Variants in SMIM17 observed in about 807,000 individuals in gnomAD.
SMIM17 encodes the protein small integral membrane protein 17.
SMIM17 carries 10 observed loss-of-function variants against 12.2 expected under a neutral mutation model. That is an observed-to-expected ratio of 0.82 (90% CI 0.50 to 1.39). The LOEUF is 1.39. Ranked by LOEUF, SMIM17 falls within the 40% of genes most tolerant of loss-of-function variation. SMIM17 has a pLI of 0.00. For missense variants in SMIM17, 136 were observed against 118.2 expected (o/e 1.15, Z -0.70); for synonymous variants, 50 against 44.1 (o/e 1.13, Z -0.53).
chr19:56,654,191 C>A (rs1291125009), intron 3 of SMIM17, among the ~76,000 whole-genome samples: 1 of 152,096 alleles, frequency 6.6e-6, no homozygotes, highest in Non-Finnish European at 1.5e-5. Context: ...GAGGAAGAGA[C>A]AATAAACATA....
At position 56,656,997 on chromosome 19, in the gene SMIM17, A is replaced by G. The variant is rs1416350884; in HGVS notation, c.*1784A>G. 6.6e-6 allele frequency among the ~76,000 whole-genome samples: 1 copy of G among 152,170 alleles called. No individual in the cohort carries two copies. The highest frequency in any genetic ancestry group is 6.6e-5 in the Admixed American group (1 of 15,264). On this transcript the variant is annotated 3_prime_UTR_variant, in exon 4 of 4. Transcript: ENST00000598409. ...CAGTATCGTCAATTATATTGTTCAG[A>G]TTCATGTGTTATCTAATTTTGGCCT...
intron 3 of SMIM17, among the ~76,000 whole-genome samples, chr19:56,649,728 G>A (rs1168070926): frequency 2.0e-5 from 3 of 152,110 alleles, no homozygotes; most frequent in Admixed American, 6.5e-5. Context: ...CAAGGGGCAT[G>A]GTGGTCAGTG....
At chr19:56,644,882 T>C (rs2045049978) in intron 1 of SMIM17, among the ~76,000 whole-genome samples, 1 of 152,148 alleles carries the variant, frequency 6.6e-6, no homozygotes, top group Non-Finnish European at 1.5e-5. Flanking sequence ...AAAGGATCCT[T>C]CCAATATCTG....
intron 3 of SMIM17, among the ~76,000 whole-genome samples, chr19:56,651,768 G>C (rs2045110896): frequency 6.6e-6 from 1 of 151,994 alleles, no homozygotes; most frequent in African/African-American, 2.4e-5. Flanking sequence ...TGTACACCTA[G>C]GATGTGTGCA....
At chr19:56,647,999 T>C (rs28375723) in intron 3 of SMIM17, among the ~76,000 whole-genome samples, 104,482 of 150,922 alleles carry the variant, frequency 0.69, 36,313 homozygotes, top group East Asian at 0.87. Flanking sequence ...CACTCATCTG[T>C]CCACTCTTTC....
intron 3 of SMIM17, among the ~76,000 whole-genome samples, chr19:56,654,382 G>A (rs1456505974): frequency 1.3e-5 from 2 of 152,216 alleles, no homozygotes; most frequent in Non-Finnish European, 2.9e-5. Context: ...GCGTTAGAAG[G>A]AGCACTCTGA....
At chr19:56,652,428 G>A (rs1186458813) in intron 3 of SMIM17, among the ~76,000 whole-genome samples, 9 of 152,204 alleles carry the variant, frequency 5.9e-5, no homozygotes, top group Non-Finnish European at 1.2e-4. Context: ...GCCGAGGTGG[G>A]TGGATTACGG....
At chr19:56,644,667 A>G (rs987808207) in intron 1 of SMIM17, among the ~76,000 whole-genome samples, 1 of 152,210 alleles carries the variant, frequency 6.6e-6, no homozygotes, top group Non-Finnish European at 1.5e-5. Context: ...CATGCCATAT[A>G]TCCACTGCCA....
Position 56,655,134 on chromosome 19 carries a change from A to G in SMIM17, c.278A>G (p.Gln93Arg). 1.4e-6 allele frequency: 1 copy of G among 701,454 alleles called. No homozygotes were observed. The highest frequency in any genetic ancestry group is 1.5e-5 in the South Asian group (1 of 67,310). 43.5% of individuals were successfully genotyped at this position (701,454 alleles called of 1,614,324 possible). A position where few individuals can be genotyped will look rare whatever the true frequency, so the allele number is the denominator to read the frequency against. ...GFVEWSKAPQ[Q>R]TTIVLVVCVL... ...GTGGAGTGGTCAAAAGCTCCACAAC[A>G]AACAACCATAGTCTTGGTAGTGTGC... The change falls in exon 4 of 4, where the codon CAA (glutamine) becomes CGA (arginine). Residue 93 changes from glutamine to arginine, a missense_variant. Transcript: ENST00000598409.
chr19:56,648,268 C>T (rs2148040479), intron 3 of SMIM17, among the ~76,000 whole-genome samples: 1 of 150,970 alleles, frequency 6.6e-6, no homozygotes, highest in Admixed American at 6.6e-5. Context: ...CTCACCTTTC[C>T]ATTCACCTGT....
chr19:56,653,554 C>T (rs10425593), intron 3 of SMIM17, among the ~76,000 whole-genome samples: 1,924 of 152,226 alleles, frequency 0.013, 40 homozygotes, highest in African/African-American at 0.044. Context: ...TCAGTTGGCC[C>T]AATTTTACGC....
Position 56,655,697 on chromosome 19 carries a change from G to C in SMIM17, c.*484G>C, listed in dbSNP as rs1410189149. 1 of 155,762 alleles carries C rather than the reference G, an allele frequency of 6.4e-6. No homozygotes were observed. The highest frequency in any genetic ancestry group is 1.4e-5 in the Non-Finnish European group (1 of 70,650). The allele number at this position is 155,762 out of a possible 1,614,324, so 9.6% of individuals were successfully genotyped here. A position where few individuals can be genotyped will look rare whatever the true frequency, so the allele number is the denominator to read the frequency against. On this transcript the variant is annotated 3_prime_UTR_variant, in exon 4 of 4. Transcript: ENST00000598409. ...ATTGGTGCTATCTTTGTGAAGTTTT[G>C]GTATCATGGTTAAGCTTGCATCATA...
Position 56,656,801 on chromosome 19 carries a change from C to T in SMIM17, c.*1588C>T, listed in dbSNP as rs546723590. Among the ~76,000 whole-genome samples, 1 of 152,164 alleles carries T rather than the reference C, an allele frequency of 6.6e-6. No individual in the cohort carries two copies. The highest frequency in any genetic ancestry group is 1.9e-4 in the East Asian group (1 of 5,198). On this transcript the variant is annotated 3_prime_UTR_variant, in exon 4 of 4. Coordinates refer to ENST00000598409, the MANE Select transcript of SMIM17 (RefSeq NM_001193628.2). Reference sequence around the variant, plus strand: ...ATAGTTTTGTTTTCTTGTTTTACTGCACTGTGAACACAGAATGTGGCCTAT... The same window carrying T: ...ATAGTTTTGTTTTCTTGTTTTACTGTACTGTGAACACAGAATGTGGCCTAT...
intron 3 of SMIM17, among the ~76,000 whole-genome samples, chr19:56,652,422 A>C (rs2045116552): frequency 6.6e-6 from 1 of 152,022 alleles, no homozygotes; most frequent in South Asian, 2.1e-4. Flanking sequence ...TGGGAGGCCG[A>C]GGTGGGTGGA....
At chr19:56,650,179 T>C (rs754686330) in intron 3 of SMIM17, among the ~76,000 whole-genome samples, 1 of 152,164 alleles carries the variant, frequency 6.6e-6, no homozygotes, top group Non-Finnish European at 1.5e-5. Flanking sequence ...TTATTTTTTA[T>C]TTTTTTGAGA....
In SMIM17 at chr19:56,653,373, A is replaced by T. The variant is rs1013778120; in HGVS notation, c.247-1730A>T. ...CATTTTCACTTAATACGTGCTGGAC[A>T]GTTTTCCATTTAATATATATTGATT... On this transcript the variant is annotated intron_variant, in intron 3 of 3. Transcript: ENST00000598409. 2.0e-5 allele frequency among the ~76,000 whole-genome samples: 3 copies of T among 152,212 alleles called. No individual in the cohort carries two copies. In the East Asian group the frequency reaches 5.8e-4, roughly 29 times the overall value.
chr19:56,644,778 CATTG>C (rs142424883), intron 1 of SMIM17, among the ~76,000 whole-genome samples: 11,656 of 152,238 alleles, frequency 0.077, 490 homozygotes, highest in Middle Eastern at 0.11. Flanking sequence ...TTGATTGACT[CATTG>C]ATTGATTTTT....
intron 3 of SMIM17, among the ~76,000 whole-genome samples, chr19:56,648,889 A>T (rs1353085300): frequency 6.6e-6 from 1 of 152,218 alleles, no homozygotes; most frequent in East Asian, 1.9e-4. Context: ...AAATCACATA[A>T]TCACTCTCAG....
chr19:56,653,672 C>A (rs905363745), intron 3 of SMIM17, among the ~76,000 whole-genome samples: 4 of 152,222 alleles, frequency 2.6e-5, no homozygotes, highest in African/African-American at 9.6e-5. Flanking sequence ...CCTCTCCCAA[C>A]AACTTTTGGT....
Sources: gnomAD v4.1 joint callset for allele counts (sites outside exome capture counted in the v4.1 genomes callset) on GRCh38, gnomAD v4.1.1 for gene constraint, MANE v1.5 for transcripts, NCBI Gene and HGNC (gene_info 2026-07-23, HGNC 2026-07-21) for gene names.